Variants in CDKL4 observed in about 807,000 individuals in gnomAD.
CDKL4 encodes cyclin-dependent kinase-like 4.
CDKL4 carries 44 observed loss-of-function variants against 42.0 expected under a neutral mutation model. The observed-to-expected ratio is 1.05, with a 90% CI of 0.82 to 1.35. CDKL4 has a LOEUF of 1.35. Ranked by LOEUF, CDKL4 falls within the 40% of genes most tolerant of loss-of-function variation. The probability of loss-of-function intolerance (pLI) is 0.00; values close to 1 mark genes in which losing one functional copy is unlikely to be tolerated. For synonymous variants in CDKL4, 120 were observed against 121.6 expected (o/e 0.99, Z 0.09); for missense variants, 393 against 369.9 (o/e 1.06, Z -0.51).
Position 39,185,376 on chromosome 2 carries a change from ATGTATATATACATGTATATATACATATG to A in CDKL4, c.736-757_736-730del, listed in dbSNP as rs1482003901. Among the ~76,000 whole-genome samples the A allele has an allele frequency of 2.5e-3, 146 of 58,596 alleles. 28 individuals are homozygous for A. Among genetic ancestry groups the A allele is most frequent in the African/African-American group, 6.5e-3 (97 of 14,900 alleles). 38.4% of individuals were successfully genotyped at this position (58,596 alleles called of 152,430 possible). Reference sequence around the variant, plus strand: ...TGTATATATACATATATATATACATATGTATATATACATGTATATATACATATGTGTATATATACATATATATATACAT... The same window carrying A: ...TGTATATATACATATATATATACATATGTATATATACATATATATATACAT... On this transcript the variant is annotated intron_variant, in intron 7 of 9. Transcript: ENST00000451199.
At chr2:39,220,094 T>C (rs12990981) in intron 3 of CDKL4, among the ~76,000 whole-genome samples, 2,866 of 152,284 alleles carry the variant, frequency 0.019, 34 homozygotes, top group Non-Finnish European at 0.031. Context: ...ACTGAATTTA[T>C]GTGAGGATAA....
At chr2:39,188,867 T>C (rs1345250248) in intron 6 of CDKL4, among the ~76,000 whole-genome samples, 1 of 152,110 alleles carries the variant, frequency 6.6e-6, no homozygotes, top group Non-Finnish European at 1.5e-5. Flanking sequence ...TTTTTAAAAA[T>C]TTTTTGCAGA....
intron 1 of CDKL4, among the ~76,000 whole-genome samples, chr2:39,239,385 C>T (rs1679536694): frequency 6.6e-6 from 1 of 152,050 alleles, no homozygotes; most frequent in African/African-American, 2.4e-5. Context: ...ATCTTTTGCT[C>T]CTCAAAAAAT....
intron 4 of CDKL4, among the ~76,000 whole-genome samples, chr2:39,212,181 G>A (rs1017098001): frequency 6.6e-6 from 1 of 151,940 alleles, no homozygotes; most frequent in African/African-American, 2.4e-5. Context: ...AGCCCTCCTT[G>A]TGATTTTGAT....
At chr2:39,233,735 A>C (rs911408254) in intron 1 of CDKL4, among the ~76,000 whole-genome samples, 73 of 151,674 alleles carry the variant, frequency 4.8e-4, no homozygotes, top group Middle Eastern at 3.4e-3. Context: ...ACAAAAAAAA[A>C]CACACAAAAT....
chr2:39,204,660 G>T, intron 4 of CDKL4, 43 bp from the exon 5 acceptor site: 2 of 1,111,824 alleles, frequency 1.8e-6, no homozygotes, highest in South Asian at 2.7e-5. Flanking sequence ...CCATCAAAAT[G>T]ACAAAGAATA....
chr2:39,191,510 G>T (rs978894782), intron 5 of CDKL4, among the ~76,000 whole-genome samples: 3 of 152,210 alleles, frequency 2.0e-5, no homozygotes, highest in Non-Finnish European at 4.4e-5. Flanking sequence ...CTCCAGAATT[G>T]TGAGAAAATA....
chr2:39,181,618 A>G lies in CDKL4; in HGVS notation c.793-2297T>C, dbSNP rs1327585308. ...TGGAAATAAGTTCTTTGCAGATGTA[A>G]TTAGTGAAGACAAGGTCATAATGGC... On this transcript the variant is annotated intron_variant, in intron 8 of 9. Transcript: ENST00000451199. 3.9e-5 allele frequency among the ~76,000 whole-genome samples: 6 copies of G among 152,240 alleles called. No homozygotes were observed. The East Asian group carries it at 1.2e-3, about 29-fold the overall frequency.
chr2:39,192,452 C>G (rs1014100160), intron 5 of CDKL4, among the ~76,000 whole-genome samples: 2 of 152,094 alleles, frequency 1.3e-5, no homozygotes, highest in Admixed American at 1.3e-4. Context: ...CTTTGAACTC[C>G]TGGGCTCACA....
At chr2:39,222,187 C>A (rs1573009441) in intron 3 of CDKL4, among the ~76,000 whole-genome samples, 2 of 152,096 alleles carry the variant, frequency 1.3e-5, no homozygotes, top group Non-Finnish European at 2.9e-5. Flanking sequence ...TACCAAGTAC[C>A]ACAACAGGGA....
At chr2:39,196,520 C>G (rs904909805) in intron 5 of CDKL4, among the ~76,000 whole-genome samples, 3 of 152,212 alleles carry the variant, frequency 2.0e-5, no homozygotes, top group Non-Finnish European at 2.9e-5. Context: ...ATCTGAACAG[C>G]AGCCCTCAAG....
rs1558547487 is a variant in CDKL4 at position 39,185,399 on chromosome 2, CATATGTGTATATATACATATATATAT to C, written c.736-778_736-753del. Among the ~76,000 whole-genome samples, 5 of 15,524 alleles carry C rather than the reference CATATGTGTATATATACATATATATAT, an allele frequency of 3.2e-4. 2 individuals carry two copies. Among genetic ancestry groups the C allele is most frequent in the Admixed American group, 1.1e-3 (2 of 1,750 alleles). 10.2% of individuals were successfully genotyped at this position (15,524 alleles called of 152,430 possible). On this transcript the variant is annotated intron_variant, in intron 7 of 9. Coordinates refer to ENST00000451199, the Ensembl canonical transcript of CDKL4. ...ATATGTATATATACATGTATATATACATATGTGTATATATACATATATATATACATATGTATATATACATGTATATA... is the reference window on the plus strand; with the variant it reads ...ATATGTATATATACATGTATATATACACATATGTATATATACATGTATATA...
At chr2:39,220,353 A>T (rs1678228818) in intron 3 of CDKL4, among the ~76,000 whole-genome samples, 1 of 152,088 alleles carries the variant, frequency 6.6e-6, no homozygotes, top group South Asian at 2.1e-4. Context: ...CCTCCCCTCA[A>T]GGTCTCCAAA....
At chr2:39,216,701 C>T (rs1423693088) in intron 3 of CDKL4, among the ~76,000 whole-genome samples, 4 of 152,014 alleles carry the variant, frequency 2.6e-5, no homozygotes, top group African/African-American at 4.8e-5. Flanking sequence ...GGGAACAGAA[C>T]GCTAGTCTGG....
upstream of CDKL4, among the ~76,000 whole-genome samples, chr2:39,244,247 C>G (rs916578035): frequency 1.3e-5 from 2 of 152,260 alleles, no homozygotes; most frequent in South Asian, 2.1e-4. Context: ...CCGGAGCCCA[C>G]TCCCTCAGCT....
In CDKL4 at chr2:39,240,730, A is replaced by T. The variant is rs73924807; in HGVS notation, c.-57+3141T>A. ...ACCACATGCCCCAAAACATAATGCT[A>T]AGTGAGAGAAGACAGACACAAAATC... is the stretch of plus-strand genomic sequence containing the variant. On this transcript the variant is annotated intron_variant, in intron 1 of 9. Transcript: ENST00000451199. 8.5e-3 allele frequency among the ~76,000 whole-genome samples: 1,289 copies of T among 151,964 alleles called. 22 individuals are homozygous for T. Among genetic ancestry groups the T allele is most frequent in the African/African-American group, 0.029 (1,202 of 41,462 alleles).
At chr2:39,206,242 G>A (rs1232133012) in intron 4 of CDKL4, among the ~76,000 whole-genome samples, 3 of 152,142 alleles carry the variant, frequency 2.0e-5, no homozygotes, top group East Asian at 1.9e-4. Context: ...CACCATGCCC[G>A]GCTAATTTTG....
At chr2:39,185,301 C>T (rs1448675994) in intron 7 of CDKL4, among the ~76,000 whole-genome samples, 2 of 30,280 alleles carry the variant, frequency 6.6e-5, no homozygotes, top group African/African-American at 1.6e-4. Context: ...CATATATATA[C>T]ACATATGTAT....
intron 4 of CDKL4, among the ~76,000 whole-genome samples, chr2:39,212,591 C>T (rs534439035): frequency 2.6e-5 from 4 of 151,716 alleles, no homozygotes; most frequent in African/African-American, 7.3e-5. Flanking sequence ...GAGTAAAGGA[C>T]TTAAGAGACT....
Sources: allele counts gnomAD v4.1 joint callset (sites outside exome capture counted in the v4.1 genomes callset), GRCh38; gene constraint gnomAD v4.1.1; transcripts MANE v1.5; gene names NCBI Gene and HGNC (gene_info 2026-07-23, HGNC 2026-07-21).